NELL1: variants seen among roughly 807,000 people sequenced by gnomAD.
NELL1 encodes the protein neural EGFL like 1.
A neutral mutation model predicts 107.4 loss-of-function variants in NELL1; 76 were observed. The observed-to-expected ratio is 0.71, with a 90% CI of 0.59 to 0.86. The LOEUF (loss-of-function observed/expected upper bound fraction) is 0.86. NELL1 is among the 40% of genes least tolerant of loss of function. The pLI, the probability that NELL1 is intolerant of heterozygous loss-of-function variation, is 0.00. For synonymous variants in NELL1, 353 were observed against 341.2 expected, an observed-to-expected ratio of 1.03 and a Z score of -0.38; for missense variants, 1,024 against 1,005.5, an observed-to-expected ratio of 1.02 and a Z score of -0.25.
intron 15 of NELL1, among the ~76,000 whole-genome samples, chr11:21,398,391 C>T (rs146282919): frequency 6.6e-6 from 1 of 151,734 alleles, no homozygotes; most frequent in African/African-American, 2.4e-5. Flanking sequence ...TTCACTCCGT[C>T]AGCTCTTCTG....
At position 21,430,003 on chromosome 11, in the gene NELL1, G is replaced by A. The variant is rs992895396; in HGVS notation, c.1645+59055G>A. ...TAAATAACAAAGACAATTTCTATAC[G>A]GAACTTGAAACATCTCAGATACTTG... On this transcript the variant is annotated intron_variant, in intron 15 of 19. Coordinates refer to ENST00000357134, the MANE Select transcript of NELL1 (RefSeq NM_006157.5). Among the ~76,000 whole-genome samples the A allele has an allele frequency of 5.8e-4, 88 of 152,064 alleles. 1 individual carries two copies. Among genetic ancestry groups the A allele is most frequent in the African/African-American group, 2.1e-3 (85 of 41,422 alleles).
intron 7 of NELL1, among the ~76,000 whole-genome samples, chr11:20,922,513 T>C (rs1850401669): frequency 6.6e-6 from 1 of 152,072 alleles, no homozygotes; most frequent in Admixed American, 6.6e-5. Flanking sequence ...TCAGGCAAAC[T>C]TGAAGTTGAA....
At chr11:20,753,460 A>T (rs554810894) in intron 2 of NELL1, among the ~76,000 whole-genome samples, 1 of 152,270 alleles carries the variant, frequency 6.6e-6, no homozygotes, top group Non-Finnish European at 1.5e-5. Context: ...TGAACCCTGG[A>T]AGGTGGAATC....
intron 15 of NELL1, among the ~76,000 whole-genome samples, chr11:21,445,809 G>C (rs1590938153): frequency 6.6e-6 from 1 of 152,112 alleles, no homozygotes; most frequent in South Asian, 2.1e-4. Context: ...GGATATTTTT[G>C]CAGGATATAC....
intron 2 of NELL1, among the ~76,000 whole-genome samples, chr11:20,704,217 A>G (rs1261169462): frequency 3.3e-5 from 5 of 152,156 alleles, no homozygotes; most frequent in African/African-American, 9.7e-5. Flanking sequence ...ATTTAGGATC[A>G]TTAGCTCTTC....
chr11:21,159,240 G>A (rs1033954087), intron 13 of NELL1, among the ~76,000 whole-genome samples: 17 of 152,148 alleles, frequency 1.1e-4, no homozygotes, highest in African/African-American at 3.4e-4. Context: ...TGAGCTTGTT[G>A]ACCAGATTCT....
At chr11:20,702,845 C>A (rs1854832310) in intron 2 of NELL1, among the ~76,000 whole-genome samples, 1 of 152,094 alleles carries the variant, frequency 6.6e-6, no homozygotes, top group Admixed American at 6.6e-5. Context: ...AGCCATGCAT[C>A]CCAGGGATGA....
rs1219989654 is a variant in NELL1 at position 20,960,394 on chromosome 11, C to T, written c.1172-38C>T. 3.1e-6 allele frequency: 5 copies of T among 1,603,670 alleles called. No individual in the cohort carries two copies. The Admixed American group carries it at 8.5e-5, about 27-fold the overall frequency. On this transcript the variant is annotated intron_variant, in intron 11 of 19. Coordinates refer to ENST00000357134, the MANE Select transcript of NELL1 (RefSeq NM_006157.5). ...TTATTTTGGGGAGTTACTTTATTTC[C>T]TCCTTTTCTGATGTACGTTTTTATT...
At chr11:21,233,354 A>G (rs1858114756) in intron 14 of NELL1, among the ~76,000 whole-genome samples, 1 of 152,176 alleles carries the variant, frequency 6.6e-6, no homozygotes, top group Non-Finnish European at 1.5e-5. Context: ...GATTTAACTC[A>G]ACTAGTGGAA....
intron 12 of NELL1, among the ~76,000 whole-genome samples, chr11:21,073,893 G>A (rs1031920412): frequency 4.1e-4 from 63 of 152,186 alleles, no homozygotes; most frequent in African/African-American, 1.3e-3. Flanking sequence ...AGAGAATGGA[G>A]GTAGTTTTAA....
chr11:21,392,154 G>A (rs1338020143), intron 15 of NELL1, among the ~76,000 whole-genome samples: 1 of 151,800 alleles, frequency 6.6e-6, no homozygotes, highest in Non-Finnish European at 1.5e-5. Context: ...TCTGACCTTT[G>A]TGGTACCCTC....
intron 14 of NELL1, among the ~76,000 whole-genome samples, chr11:21,269,687 A>G (rs1848702685): frequency 6.6e-6 from 1 of 152,146 alleles, no homozygotes; most frequent in South Asian, 2.1e-4. Flanking sequence ...GAAATGTTGA[A>G]GGTCTTCATA....
rs137896061 is a variant in NELL1, at chr11:21,573,270, G to A, written c.2243G>A (p.Arg748His). The stretch of plus-strand genomic sequence containing the variant: ...ATCTTAGAAGGGGAATGTTGTCCCC[G>A]CTGTGTCAGTGACCCCTGCCTAGCT... The part of the protein sequence containing the change: ...TAILEGECCP[R>H]CVSDPCLADN... Residue 748 changes from arginine to histidine, a missense_variant, in exon 19 of 20, where the codon CGC becomes CAC. Coordinates refer to ENST00000357134, the MANE Select transcript of NELL1 (RefSeq NM_006157.5). 675 of 1,612,316 alleles carry A rather than the reference G, an allele frequency of 4.2e-4. 2 individuals are homozygous for A. The highest frequency in any genetic ancestry group is 5.4e-4 in the Non-Finnish European group (634 of 1,179,050).
In NELL1 at chr11:20,779,475, AG is replaced by A. The variant is rs554870638; in HGVS notation, c.185-4204del. Among the ~76,000 whole-genome samples the A allele has an allele frequency of 3.1e-4, 47 of 152,270 alleles. No individual in the cohort carries two copies. The South Asian group carries it at 6.4e-3, about 21-fold the overall frequency. On this transcript the variant is annotated intron_variant, in intron 2 of 19. Coordinates refer to ENST00000357134, the MANE Select transcript of NELL1 (RefSeq NM_006157.5). ...CCCATTTGTTTTTCCTGTTATCTCT[AG>A]CAGAATTGAATATTCTTAAGTAATA...
At chr11:21,358,218 C>T (rs1850983736) in intron 14 of NELL1, among the ~76,000 whole-genome samples, 1 of 152,106 alleles carries the variant, frequency 6.6e-6, no homozygotes, top group Non-Finnish European at 1.5e-5. Context: ...CACATTGAAT[C>T]TGTAGATTAC....
At chr11:21,478,562 A>G (rs1854406888) in intron 15 of NELL1, among the ~76,000 whole-genome samples, 1 of 152,248 alleles carries the variant, frequency 6.6e-6, no homozygotes, top group African/African-American at 2.4e-5. Flanking sequence ...TAAGACCTCA[A>G]ATTATGAAAC....
intron 2 of NELL1, among the ~76,000 whole-genome samples, chr11:20,707,772 C>G (rs146260697): frequency 5.6e-4 from 86 of 152,298 alleles, no homozygotes; most frequent in South Asian, 1.5e-3. Context: ...AGGTGTCAGT[C>G]GGTTAGGCTA....
intron 3 of NELL1, among the ~76,000 whole-genome samples, chr11:20,830,300 G>T (rs1857981112): frequency 1.3e-5 from 2 of 151,858 alleles, no homozygotes; most frequent in Non-Finnish European, 2.9e-5. Flanking sequence ...CTGAGAAACT[G>T]CTTTTGAATC....
At chr11:21,403,315 G>A (rs185603343) in intron 15 of NELL1, among the ~76,000 whole-genome samples, 1 of 151,734 alleles carries the variant, frequency 6.6e-6, no homozygotes, top group East Asian at 2.0e-4. Flanking sequence ...GAAGCTCATA[G>A]ACCAAACCTT....
Sources: allele counts gnomAD v4.1 joint callset (sites outside exome capture counted in the v4.1 genomes callset), GRCh38; gene constraint gnomAD v4.1.1; transcripts MANE v1.5; gene names NCBI Gene and HGNC (gene_info 2026-07-23, HGNC 2026-07-21).